The following SLC48A1 variants were observed in gnomAD, a reference collection of about 807,000 sequenced individuals.
SLC48A1 encodes the protein solute carrier family 48 member 1, also known as heme transporter HRG1.
In SLC48A1, 6 loss-of-function variants were observed where a neutral mutation model predicts 14.8. That is an observed-to-expected ratio of 0.41 (90% CI 0.22 to 0.80). SLC48A1 has a LOEUF of 0.80. Ranked by LOEUF, SLC48A1 falls within the 30% of genes least tolerant of loss-of-function variation. The probability of loss-of-function intolerance (pLI) is 0.34; values close to 1 mark genes in which losing one functional copy is unlikely to be tolerated. For synonymous variants in SLC48A1, 89 were observed against 90.0 expected, an observed-to-expected ratio of 0.99 and a Z score of 0.06; for missense variants, 165 against 204.8, an observed-to-expected ratio of 0.81 and a Z score of 1.19.
At chr12:47,760,570 T>C (rs562034011) in intron 2 of SLC48A1, among the ~76,000 whole-genome samples, 1 of 151,752 alleles carries the variant, frequency 6.6e-6, no homozygotes, top group East Asian at 1.9e-4. Flanking sequence ...AGGTGGAAGA[T>C]GCTGGGGAGT....
upstream of SLC48A1, chr12:47,757,985 C>T (rs746823313): frequency 8.0e-5 from 126 of 1,569,866 alleles, no homozygotes; most frequent in South Asian, 1.2e-4. Flanking sequence ...TCCGGCACCA[C>T]GTCAGGGAGG....
At chr12:47,776,520 T>C (rs1172905966) in intron 1 of SLC48A1, among the ~76,000 whole-genome samples, 1 of 152,184 alleles carries the variant, frequency 6.6e-6, no homozygotes, top group Non-Finnish European at 1.5e-5. Context: ...TGGGTAGGGC[T>C]GGTGGAGAGC....
upstream of SLC48A1, among the ~76,000 whole-genome samples, chr12:47,757,413 C>A (rs184036544): frequency 9.2e-5 from 14 of 152,236 alleles, no homozygotes; most frequent in African/African-American, 2.2e-4. Flanking sequence ...TCACCTCACC[C>A]TAAGACCAAA....
intron 2 of SLC48A1, among the ~76,000 whole-genome samples, chr12:47,763,592 C>T (rs1392120556): frequency 6.6e-6 from 1 of 152,218 alleles, no homozygotes; most frequent in Non-Finnish European, 1.5e-5. Context: ...CTCCATCCCC[C>T]AAGGGCAGTT....
upstream of SLC48A1, chr12:47,758,546 C>G (rs761725520): frequency 2.5e-6 from 4 of 1,613,800 alleles, no homozygotes; most frequent in South Asian, 2.2e-5. Flanking sequence ...CCCCACCTTA[C>G]CCACCTTCAT....
intron 2 of SLC48A1, among the ~76,000 whole-genome samples, chr12:47,761,396 G>A (rs1942377484): frequency 6.6e-6 from 1 of 152,186 alleles, no homozygotes; most frequent in Non-Finnish European, 1.5e-5. Context: ...GGGAGATTGA[G>A]AAGAGGACCT....
intron 2 of SLC48A1, among the ~76,000 whole-genome samples, chr12:47,761,573 C>T (rs966492669): frequency 7.2e-5 from 11 of 152,142 alleles, no homozygotes; most frequent in African/African-American, 1.9e-4. Flanking sequence ...GATGGGGACC[C>T]GACAGTAGAA....
intron 2 of SLC48A1, among the ~76,000 whole-genome samples, chr12:47,765,205 G>T (rs762642982): frequency 2.7e-5 from 4 of 150,336 alleles, no homozygotes; most frequent in Admixed American, 6.6e-5. Context: ...TCCAGAGAGA[G>T]AAACAGAAAA....
Position 47,780,130 on chromosome 12 carries a change from C to T in SLC48A1, c.305-15C>T, listed in dbSNP as rs1169831863. The stretch of plus-strand genomic sequence containing the variant: ...GGGCCTGCCAAAGTCACTGTCGGTA[C>T]TTCTCTCCCTGCAGGCCTCACAGAC... On this transcript the variant is annotated splice_polypyrimidine_tract_variant and intron_variant, in intron 2 of 2. Coordinates refer to ENST00000442218, the MANE Select transcript of SLC48A1 (RefSeq NM_017842.3). 7 of 1,556,386 alleles carry T rather than the reference C, an allele frequency of 4.5e-6. No homozygotes were observed. The highest frequency in any genetic ancestry group is 5.2e-6 in the Non-Finnish European group (6 of 1,148,494).
chr12:47,755,548 C>T, upstream of SLC48A1, among the ~76,000 whole-genome samples: 1 of 152,162 alleles, frequency 6.6e-6, no homozygotes. Context: ...GGACATCAGA[C>T]AAGATCTCAC....
intron 1 of SLC48A1, chr12:47,758,669 AG>A: frequency 6.5e-7 from 1 of 1,545,276 alleles, no homozygotes; most frequent in Non-Finnish European, 8.7e-7. Context: ...GGGTAAGTCC[AG>A]GTACAGTGAA....
intron 1 of SLC48A1, among the ~76,000 whole-genome samples, chr12:47,773,763 A>C (rs1269703602): frequency 6.6e-6 from 1 of 152,130 alleles, no homozygotes; most frequent in Non-Finnish European, 1.5e-5. Flanking sequence ...GCCCCACGAC[A>C]GTGTCCCCTC....
At chr12:47,779,448 A>G (rs953013400) in intron 2 of SLC48A1, among the ~76,000 whole-genome samples, 8 of 152,178 alleles carry the variant, frequency 5.3e-5, no homozygotes, top group African/African-American at 1.9e-4. Flanking sequence ...ATTGGGACCC[A>G]TTAGTCTGTG....
chr12:47,768,644 T>C (rs1055163750), upstream of SLC48A1: 3 of 152,200 alleles, frequency 2.0e-5, no homozygotes, highest in African/African-American at 7.2e-5. Flanking sequence ...GATAGCTCAG[T>C]AGGTGTATCC....
intron 2 of SLC48A1, among the ~76,000 whole-genome samples, chr12:47,765,003 G>A (rs866359836): frequency 7.1e-6 from 1 of 140,820 alleles, no homozygotes; most frequent in African/African-American, 2.7e-5. Context: ...CTTAAACCTG[G>A]AAGGCGGAGG....
chr12:47,780,668 G>T lies in SLC48A1; in HGVS notation c.*387G>T. On this transcript the variant is annotated 3_prime_UTR_variant, in exon 3 of 3. Transcript: ENST00000442218. The stretch of plus-strand genomic sequence containing the variant: ...TGCAACCTCCGCCTCCCAGGTTCAA[G>T]CAATTCTCCTGCCTTGGCCTCTCAA... 2.4e-6 allele frequency: 1 copy of T among 408,330 alleles called. No homozygotes were observed. The highest frequency in any genetic ancestry group is 4.8e-6 in the Non-Finnish European group (1 of 209,510). 25.3% of individuals were successfully genotyped at this position (408,330 alleles called of 1,614,324 possible).
chr12:47,779,395 G>A (rs1942816831), intron 2 of SLC48A1, among the ~76,000 whole-genome samples, 200 bp downstream of exon 2: 1 of 152,212 alleles, frequency 6.6e-6, no homozygotes, highest in Admixed American at 6.5e-5. Context: ...TGAAACTGAT[G>A]TGAAGTCTTG....
In SLC48A1 at chr12:47,780,930, A is replaced by G. The variant is rs145113225; in HGVS notation, c.*649A>G. On this transcript the variant is annotated 3_prime_UTR_variant, in exon 3 of 3. Transcript: ENST00000442218. ...ACTTAAGGCCAGGGCAACAAAGTCA[A>G]GAGGTCAAGGTGTAGGGCCATGAGG... 871 of 533,532 alleles carry G rather than the reference A, an allele frequency of 1.6e-3. 9 individuals are homozygous for G. The highest frequency in any genetic ancestry group is 0.015 in the African/African-American group (801 of 52,056). 33.0% of individuals were successfully genotyped at this position (533,532 alleles called of 1,614,324 possible).
rs1942891449 is a variant in SLC48A1 at position 47,781,953 on chromosome 12, T to C, written c.*1672T>C. The C allele has an allele frequency of 6.6e-6, 1 of 152,458 alleles. No individual in the cohort carries two copies. The highest frequency in any genetic ancestry group is 2.4e-5 in the African/African-American group (1 of 41,442). 9.4% of individuals were successfully genotyped at this position (152,458 alleles called of 1,614,324 possible). A position where few individuals can be genotyped will look rare whatever the true frequency, so the allele number is the denominator to read the frequency against. On this transcript the variant is annotated 3_prime_UTR_variant, in exon 3 of 3. Transcript: ENST00000442218. The stretch of plus-strand genomic sequence containing the variant: ...GCCAGGGCAAGGATGCCCACGGGCA[T>C]AGCTACAGCAACCCCTGCGGGATTT...
Sources: gnomAD v4.1 joint callset for allele counts (sites outside exome capture counted in the v4.1 genomes callset) on GRCh38, gnomAD v4.1.1 for gene constraint, MANE v1.5 for transcripts, NCBI Gene and HGNC (gene_info 2026-07-23, HGNC 2026-07-21) for gene names.